The following ALCAM variants were observed in gnomAD, a reference collection of about 807,000 sequenced individuals.
The protein encoded by ALCAM is activated leukocyte cell adhesion molecule, also known as CD166 antigen.
A neutral mutation model predicts 70.9 loss-of-function variants in ALCAM; 30 were observed. The ratio of observed to expected loss-of-function variants is 0.42; its 90% CI spans 0.32 to 0.57. The LOEUF is 0.57. Ranked by LOEUF, ALCAM falls within the 20% of genes least tolerant of loss-of-function variation. The pLI is 0.11. For synonymous variants in ALCAM, 249 were observed against 242.5 expected (o/e 1.03, Z -0.25); for missense variants, 591 against 695.1 (o/e 0.85, Z 1.68).
chr3:105,459,445 A>G (rs947055084), intron 1 of ALCAM, among the ~76,000 whole-genome samples: 1 of 152,008 alleles, frequency 6.6e-6, no homozygotes, highest in Non-Finnish European at 1.5e-5. Context: ...TCTTGTGTCC[A>G]TGACAAATAG....
chr3:105,544,970 A>G lies in ALCAM; in HGVS notation c.992-253A>G, dbSNP rs548221042. 198 of 388,398 alleles carry G rather than the reference A, an allele frequency of 5.1e-4. 1 individual carries two copies. The highest frequency in any genetic ancestry group is 2.9e-3 in the South Asian group (131 of 45,706). 24.1% of individuals were successfully genotyped at this position (388,398 alleles called of 1,614,324 possible). A position where few individuals can be genotyped will look rare whatever the true frequency, so the allele number is the denominator to read the frequency against. The stretch of plus-strand genomic sequence containing the variant: ...GGGAATATTTATATCCCCTCAAAAT[A>G]TCAATCACGTTAACTGCAAATAAAT... On this transcript the variant is annotated intron_variant, in intron 8 of 15. Coordinates refer to ENST00000306107, the MANE Select transcript of ALCAM (RefSeq NM_001627.4).
intron 1 of ALCAM, among the ~76,000 whole-genome samples, chr3:105,483,974 T>C (rs1938350076): frequency 1.3e-5 from 2 of 152,136 alleles, no homozygotes; most frequent in South Asian, 2.1e-4. Context: ...ACAAGTCTTT[T>C]ATTGTCTCCT....
intron 14 of ALCAM, among the ~76,000 whole-genome samples, chr3:105,570,841 A>G (rs1004658382): frequency 2.0e-5 from 3 of 152,192 alleles, no homozygotes; most frequent in East Asian, 1.9e-4. Context: ...TAAAACTATT[A>G]TGTGAGAATT....
chr3:105,472,522 C>G (rs1487134857), intron 1 of ALCAM, among the ~76,000 whole-genome samples: 1 of 151,472 alleles, frequency 6.6e-6, no homozygotes, highest in Non-Finnish European at 1.5e-5. Context: ...GTTGTATCAA[C>G]TTAAGTGTAT....
intron 1 of ALCAM, among the ~76,000 whole-genome samples, chr3:105,470,778 C>A (rs1937904531): frequency 6.6e-6 from 1 of 151,088 alleles, no homozygotes; most frequent in South Asian, 2.1e-4. Flanking sequence ...TTTAACTCAT[C>A]AAATATGTTC....
chr3:105,555,951 A>C (rs1399085482), intron 14 of ALCAM, among the ~76,000 whole-genome samples: 1 of 151,826 alleles, frequency 6.6e-6, no homozygotes, highest in African/African-American at 2.4e-5. Flanking sequence ...TTTTCCATGT[A>C]TGTAGGGTAT....
chr3:105,429,810 A>C (rs957023569), intron 1 of ALCAM, among the ~76,000 whole-genome samples: 1 of 152,026 alleles, frequency 6.6e-6, no homozygotes, highest in African/African-American at 2.4e-5. Flanking sequence ...TAAAAATGAG[A>C]TAGTACTGTT....
intron 1 of ALCAM, among the ~76,000 whole-genome samples, chr3:105,427,802 G>T (rs1305120310): frequency 6.6e-6 from 1 of 151,722 alleles, no homozygotes; most frequent in Non-Finnish European, 1.5e-5. Context: ...TTCTTCTTTG[G>T]CTTCCATAGG....
At chr3:105,563,668 T>C (rs1183025509) in intron 14 of ALCAM, among the ~76,000 whole-genome samples, 1 of 3,256 alleles carries the variant, frequency 3.1e-4, no homozygotes, top group Non-Finnish European at 9.1e-4. Flanking sequence ...CAAGCATTTC[T>C]TTTTTTTTTT....
chr3:105,437,105 C>A (rs964810441), intron 1 of ALCAM, among the ~76,000 whole-genome samples: 2 of 152,204 alleles, frequency 1.3e-5, no homozygotes, highest in Middle Eastern at 3.4e-3. Flanking sequence ...TATATGTTGA[C>A]CTCTGGCAAA....
At chr3:105,494,813 C>T (rs1938691576) in intron 1 of ALCAM, among the ~76,000 whole-genome samples, 1 of 152,142 alleles carries the variant, frequency 6.6e-6, no homozygotes. Context: ...GCACCCACCA[C>T]CACACCTGGC....
intron 11 of ALCAM, among the ~76,000 whole-genome samples, chr3:105,549,805 A>T (rs526963): frequency 7.3e-5 from 11 of 151,326 alleles, no homozygotes; most frequent in Non-Finnish European, 1.5e-4. Context: ...TGGTGTTTAA[A>T]TAGTCACCAA....
In ALCAM at chr3:105,513,371, A is replaced by T. The variant is rs1470110124; in HGVS notation, c.74-6696A>T. Reference sequence around the variant, plus strand: ...TTAGTGACATTTCAAATGTAAGTCTAGATCTGTGTACTTTTTTCCATCTAT... The same window carrying T: ...TTAGTGACATTTCAAATGTAAGTCTTGATCTGTGTACTTTTTTCCATCTAT... On this transcript the variant is annotated intron_variant, in intron 1 of 15. Transcript: ENST00000306107. 4 of 152,048 alleles carry T rather than the reference A, an allele frequency of 2.6e-5. No individual in the cohort carries two copies. The East Asian group carries it at 5.8e-4, about 22-fold the overall frequency. 9.4% of individuals were successfully genotyped at this position (152,048 alleles called of 1,614,324 possible).
intron 1 of ALCAM, among the ~76,000 whole-genome samples, chr3:105,506,013 C>T (rs1240695966): frequency 6.6e-6 from 1 of 152,000 alleles, no homozygotes; most frequent in Non-Finnish European, 1.5e-5. Context: ...TATGTGTTTA[C>T]CTTGGTGACT....
chr3:105,492,272 C>G (rs1938609650), intron 1 of ALCAM, among the ~76,000 whole-genome samples: 1 of 152,198 alleles, frequency 6.6e-6, no homozygotes, highest in Admixed American at 6.5e-5. Context: ...CACCGGGTCC[C>G]TCCCATAACA....
intron 1 of ALCAM, among the ~76,000 whole-genome samples, chr3:105,447,216 G>GAT (rs915221122): frequency 4.0e-5 from 6 of 151,872 alleles, no homozygotes; most frequent in South Asian, 2.1e-4. Flanking sequence ...AGAGAAATGT[G>GAT]ATATATATAT....
At chr3:105,455,720 G>A (rs556609811) in intron 1 of ALCAM, among the ~76,000 whole-genome samples, 4 of 152,168 alleles carry the variant, frequency 2.6e-5, no homozygotes, top group Non-Finnish European at 4.4e-5. Flanking sequence ...AGCGACCACC[G>A]CCTTTCCAGG....
intron 1 of ALCAM, among the ~76,000 whole-genome samples, chr3:105,504,883 C>T (rs769141270): frequency 1.3e-5 from 2 of 152,268 alleles, no homozygotes; most frequent in East Asian, 1.9e-4. Context: ...TTCCCTTCCC[C>T]CTTCTGTATC....
chr3:105,569,110 T>A (rs1940807191), intron 14 of ALCAM, among the ~76,000 whole-genome samples: 1 of 152,144 alleles, frequency 6.6e-6, no homozygotes, highest in African/African-American at 2.4e-5. Context: ...ACCAACTGAA[T>A]GTTGACTTCT....
Sources: allele counts gnomAD v4.1 joint callset (sites outside exome capture counted in the v4.1 genomes callset), GRCh38; gene constraint gnomAD v4.1.1; transcripts MANE v1.5; gene names NCBI Gene and HGNC (gene_info 2026-07-23, HGNC 2026-07-21).